The following GATAD2B variants were observed in gnomAD, a reference collection of about 807,000 sequenced individuals.
GATAD2B encodes transcriptional repressor p66-beta.
Under a neutral mutation model 64.3 loss-of-function variants are expected in GATAD2B, and 8 were observed. The ratio of observed to expected loss-of-function variants is 0.12; its 90% CI spans 0.07 to 0.22. GATAD2B has a LOEUF of 0.22. Among genes scored for constraint, GATAD2B ranks in the 10% least tolerant of loss-of-function variants. The probability of loss-of-function intolerance (pLI) is 1.00; values close to 1 mark genes in which losing one functional copy is unlikely to be tolerated. For synonymous variants in GATAD2B, 281 were observed against 271.3 expected (o/e 1.04, Z -0.35); for missense variants, 453 against 752.0 (o/e 0.60, Z 4.65).
chr1:153,820,908 A>G lies in GATAD2B; in HGVS notation c.336-1173T>C, dbSNP rs1674655572. On this transcript the variant is annotated intron_variant, in intron 2 of 10. Transcript: ENST00000368655. ...CTTAAACAATCAACTTAAACCCTTA[A>G]TGATCACAGATCGCTAGCTGTCCAC... Among the ~76,000 whole-genome samples, 4 of 150,448 alleles carry G rather than the reference A, an allele frequency of 2.7e-5. No individual in the cohort carries two copies. The Admixed American group carries it at 2.7e-4, about 10-fold the overall frequency.
chr1:153,833,484 T>C (rs1336586626), intron 1 of GATAD2B, among the ~76,000 whole-genome samples: 1 of 152,106 alleles, frequency 6.6e-6, no homozygotes, highest in African/African-American at 2.4e-5. Context: ...CTACAGACCA[T>C]GAATCAAGGA....
chr1:153,833,991 T>C (rs79278658), intron 1 of GATAD2B, among the ~76,000 whole-genome samples: 14 of 149,132 alleles, frequency 9.4e-5, no homozygotes, highest in Non-Finnish European at 2.1e-4. Context: ...TTTTTTTATG[T>C]TTTTTTTTGG....
chr1:153,906,368 A>C (rs567627338), intron 1 of GATAD2B, among the ~76,000 whole-genome samples: 18 of 151,244 alleles, frequency 1.2e-4, no homozygotes, highest in South Asian at 2.1e-4. Flanking sequence ...GCAGTGAACC[A>C]AGATTGTGCC....
chr1:153,822,022 A>C (rs1236385296), intron 2 of GATAD2B, among the ~76,000 whole-genome samples: 1 of 151,840 alleles, frequency 6.6e-6, no homozygotes, highest in African/African-American at 2.4e-5. Flanking sequence ...CTCTACTAAA[A>C]ATACAAAAAT....
At chr1:153,848,982 C>CT (rs201935881) in intron 1 of GATAD2B, among the ~76,000 whole-genome samples, 3 of 151,424 alleles carry the variant, frequency 2.0e-5, no homozygotes, top group African/African-American at 4.8e-5. Context: ...AACCCCCCCC[C>CT]TCCCCCAGAC....
At chr1:153,888,084 C>A in intron 1 of GATAD2B, among the ~76,000 whole-genome samples, 1 of 146,592 alleles carries the variant, frequency 6.8e-6, no homozygotes. Flanking sequence ...GAGGCTCTAT[C>A]TCAAAAAAAA....
chr1:153,864,975 CAGG>C (rs1168105640), intron 1 of GATAD2B, among the ~76,000 whole-genome samples: 1 of 152,164 alleles, frequency 6.6e-6, no homozygotes, highest in African/African-American at 2.4e-5. Context: ...GAGGCTGTGA[CAGG>C]AGAATTGCTT....
Position 153,809,112 on chromosome 1 carries a change from T to C in GATAD2B, c.*1065A>G, listed in dbSNP as rs1270420196. 1 of 152,244 alleles carries C rather than the reference T, an allele frequency of 6.6e-6. No homozygotes were observed. 9.4% of individuals were successfully genotyped at this position (152,244 alleles called of 1,614,324 possible). ...CTCCTGTTGTCACTTGACTCATTTA[T>C]GTCCACCCAACTTGTGGGACACCCA... On this transcript the variant is annotated 3_prime_UTR_variant, in exon 11 of 11. Transcript: ENST00000368655.
rs1674157672 is a variant in GATAD2B at position 153,807,849 on chromosome 1, C to T, written c.*2328G>A. The T allele has an allele frequency of 6.6e-6, 1 of 152,458 alleles. No homozygotes were observed. 9.4% of individuals were successfully genotyped at this position (152,458 alleles called of 1,614,324 possible). A position where few individuals can be genotyped will look rare whatever the true frequency, so the allele number is the denominator to read the frequency against. ...TCTCGTACCTCTGAGCACCTCTGAG[C>T]TTGGGGAGAGGGAGACGTAACAGAA... On this transcript the variant is annotated 3_prime_UTR_variant, in exon 11 of 11. Coordinates refer to ENST00000368655, the MANE Select transcript of GATAD2B (RefSeq NM_020699.4).
intron 1 of GATAD2B, among the ~76,000 whole-genome samples, chr1:153,888,180 C>T (rs1677242626): frequency 6.6e-6 from 1 of 151,870 alleles, no homozygotes; most frequent in Admixed American, 6.6e-5. Flanking sequence ...TTTCATTTAT[C>T]ATACAGCACA....
intron 1 of GATAD2B, among the ~76,000 whole-genome samples, chr1:153,864,388 G>A (rs540865613): frequency 2.6e-5 from 4 of 152,272 alleles, no homozygotes; most frequent in East Asian, 1.9e-4. Flanking sequence ...AGGTGGAGGC[G>A]GGAGGAGAGC....
intron 1 of GATAD2B, among the ~76,000 whole-genome samples, chr1:153,878,190 A>T (rs1257028905): frequency 1.4e-5 from 2 of 148,064 alleles, no homozygotes; most frequent in African/African-American, 5.0e-5. Context: ...TTTTTTTGAG[A>T]CAGGGTCTCA....
chr1:153,834,127 C>T (rs890796994), intron 1 of GATAD2B, among the ~76,000 whole-genome samples: 2 of 151,826 alleles, frequency 1.3e-5, no homozygotes, highest in Admixed American at 6.6e-5. Context: ...CTCAGCCTTC[C>T]GTGCAGCTGG....
At chr1:153,883,549 T>A (rs1397324910) in intron 1 of GATAD2B, among the ~76,000 whole-genome samples, 1 of 152,242 alleles carries the variant, frequency 6.6e-6, no homozygotes, top group Non-Finnish European at 1.5e-5. Context: ...TTTCTTCTCA[T>A]TCATCACATT....
chr1:153,818,318 T>TC (rs1674555679), intron 4 of GATAD2B, 147 bp from the exon 5 acceptor site: 2 of 453,834 alleles, frequency 4.4e-6, no homozygotes, highest in South Asian at 4.3e-5. Flanking sequence ...GGTTTTCTTT[T>TC]TTTTTTTTTT....
At position 153,808,115 on chromosome 1, in the gene GATAD2B, C is replaced by T. The variant is rs935272988; in HGVS notation, c.*2062G>A. ...CCCAGACCCAGTTCCATTAACCCCCCTCCCTCTCCCACCACTTACAGTCAG... is the reference window on the plus strand; with the variant it reads ...CCCAGACCCAGTTCCATTAACCCCCTTCCCTCTCCCACCACTTACAGTCAG... On this transcript the variant is annotated 3_prime_UTR_variant, in exon 11 of 11. Transcript: ENST00000368655. 1 of 152,370 alleles carries T rather than the reference C, an allele frequency of 6.6e-6. No homozygotes were observed. Among genetic ancestry groups the T allele is most frequent in the Non-Finnish European group, 1.5e-5 (1 of 68,022 alleles). 9.4% of individuals were successfully genotyped at this position (152,370 alleles called of 1,614,324 possible).
Position 153,872,610 on chromosome 1 carries a change from T to C in GATAD2B, c.-1-44262A>G, listed in dbSNP as rs1432711613. Among the ~76,000 whole-genome samples the C allele has an allele frequency of 4.6e-5, 7 of 151,704 alleles. No homozygotes were observed. In the East Asian group the frequency reaches 1.4e-3, roughly 29 times the overall value. On this transcript the variant is annotated intron_variant, in intron 1 of 10. Transcript: ENST00000368655. The stretch of plus-strand genomic sequence containing the variant: ...AAGTGGACCGTCTCATGGTGGAGTA[T>C]ATAAACTTTCCAAAATTCTCATTTT...
chr1:153,811,833 T>C lies in GATAD2B; in HGVS notation c.1546A>G (p.Ser516Gly). 6.2e-7 allele frequency: 1 copy of C among 1,609,046 alleles called. No homozygotes were observed. ...GTGGGTATGCCACGCTGGAGGCTGC[T>C]CTGGGGCTGTGGAGCCTGCAATGAT... ...HTLRQAPQPQ[S>G]SLQRGIPTSA... The change falls in exon 10 of 11, where the codon AGC (serine) becomes GGC (glycine). Residue 516 changes from serine (S) to glycine (G), a missense_variant. Coordinates refer to ENST00000368655, the MANE Select transcript of GATAD2B (RefSeq NM_020699.4).
intron 1 of GATAD2B, among the ~76,000 whole-genome samples, chr1:153,919,617 A>C (rs1350773050): frequency 6.6e-6 from 1 of 152,212 alleles, no homozygotes; most frequent in Non-Finnish European, 1.5e-5. Context: ...TAGAAGATAC[A>C]CCACAAAATC....
Sources: gnomAD v4.1 joint callset for allele counts (sites outside exome capture counted in the v4.1 genomes callset) on GRCh38, gnomAD v4.1.1 for gene constraint, MANE v1.5 for transcripts, NCBI Gene and HGNC (gene_info 2026-07-23, HGNC 2026-07-21) for gene names.